Variants in KRT23 observed in about 807,000 individuals in gnomAD.
KRT23 encodes the protein keratin, type I cytoskeletal 23.
A neutral mutation model predicts 47.6 loss-of-function variants in KRT23; 38 were observed. The ratio of observed to expected loss-of-function variants is 0.80; its 90% CI spans 0.62 to 1.05. KRT23 has a LOEUF of 1.05. Ranked by LOEUF, KRT23 falls within the 50% of genes least tolerant of loss-of-function variation. The pLI is 0.00. For missense variants in KRT23, 503 were observed against 529.5 expected (o/e 0.95, Z 0.49); for synonymous variants, 191 against 199.0 (o/e 0.96, Z 0.34).
intron 2 of KRT23, 83 bp downstream of exon 2, chr17:40,936,125 T>C: frequency 6.8e-7 from 1 of 1,461,224 alleles, no homozygotes; most frequent in Non-Finnish European, 9.4e-7. Context: ...TCCTGGAAAT[T>C]GTCTTCTGGA....
chr17:40,931,538 T>A, intron 2 of KRT23, 83 bp from the exon 3 acceptor site: 1 of 984,990 alleles, frequency 1.0e-6, no homozygotes, highest in Non-Finnish European at 1.6e-6. Context: ...TCCTCTAGCT[T>A]CCTGAATATT....
chr17:40,936,441 G>T lies in KRT23; in HGVS notation c.163C>A (p.Pro55Thr), dbSNP rs761322060. ...LSFTTRSCPP[P>T]GGSWGSGRSS... is the part of the protein sequence containing the mutation. ...CTTCCAGAACCCCAAGACCCTCCAG[G>T]GGGTGGGCAGCTCCGCGTGGTGAAG... The change falls in exon 2 of 9, where the codon CCT (proline) becomes ACT (threonine). Residue 55 changes from proline (P) to threonine (T), a missense_variant. Physicochemically the swap from Pro to Thr is conservative, Grantham distance 38. Transcript: ENST00000209718. 5.0e-6 allele frequency: 8 copies of T among 1,610,242 alleles called. No individual in the cohort carries two copies. The highest frequency in any genetic ancestry group is 3.3e-4 in the Middle Eastern group (2 of 6,060).
Position 40,931,374 on chromosome 17 carries a change from T to G in KRT23, c.478A>C (p.Lys160Gln). ...CAACCCTGTGAAGAAGGAACTTACT[T>G]GAGGTTGAAGTCATCCACTGCCATC... ...ARMAVDDFNLKYENEHSFKKD... is the reference protein window; with the variant it reads ...ARMAVDDFNLQYENEHSFKKD... The change falls in exon 3 of 9, where the codon AAG (lysine) becomes CAG (glutamine). Residue 160 changes from lysine to glutamine, a missense_variant and splice_region_variant. By Grantham distance (53) the Lys-to-Gln change is moderately conservative (BLOSUM62 1). Coordinates refer to ENST00000209718, the MANE Select transcript of KRT23 (RefSeq NM_015515.5). 6.2e-7 allele frequency: 1 copy of G among 1,606,704 alleles called. No individual in the cohort carries two copies. Among genetic ancestry groups the G allele is most frequent in the South Asian group, 1.1e-5 (1 of 90,934 alleles).
intron 2 of KRT23, 107 bp downstream of exon 2, chr17:40,936,101 C>G (rs758560228): frequency 8.3e-7 from 1 of 1,206,490 alleles, no homozygotes; most frequent in African/African-American, 1.5e-5. Context: ...TTACTTCAAG[C>G]GCTGATGCCA....
intron 2 of KRT23, 151 bp from the exon 3 acceptor site, chr17:40,931,606 C>G (rs981310493): frequency 8.0e-6 from 5 of 627,426 alleles, no homozygotes; most frequent in Non-Finnish European, 1.5e-5. Context: ...ATAACCGAAT[C>G]AGTAAATGCT....
intron 8 of KRT23, among the ~76,000 whole-genome samples, chr17:40,924,248 T>C (rs1384839027): frequency 1.3e-5 from 2 of 152,216 alleles, no homozygotes; most frequent in Non-Finnish European, 2.9e-5. Context: ...TACTATTAAT[T>C]ATCATTTTAA....
intron 6 of KRT23, among the ~76,000 whole-genome samples, 175 bp from the exon 7 acceptor site, chr17:40,925,749 G>A (rs866505547): frequency 6.6e-5 from 10 of 152,220 alleles, no homozygotes; most frequent in African/African-American, 1.4e-4. Flanking sequence ...GCAGTCAGGA[G>A]TTGAGCAGTG....
intron 4 of KRT23, 53 bp from the exon 5 acceptor site, chr17:40,928,660 G>A: frequency 1.3e-6 from 2 of 1,539,206 alleles, no homozygotes; most frequent in Non-Finnish European, 1.8e-6. Context: ...CAGAAGGCTG[G>A]ATTGCCATGT....
intron 2 of KRT23, among the ~76,000 whole-genome samples, chr17:40,932,274 AT>A (rs899336537): frequency 1.1e-4 from 17 of 150,548 alleles, no homozygotes; most frequent in Non-Finnish European, 1.3e-4. Context: ...TGTTCGTATA[AT>A]TTTTTTTTTA....
At chr17:40,930,140 C>T in intron 3 of KRT23, 44 bp from the exon 4 acceptor site, 1 of 1,563,282 alleles carries the variant, frequency 6.4e-7, no homozygotes, top group Non-Finnish European at 8.7e-7. Context: ...TGTTGGAAGG[C>T]CATGGTTTTT....
intron 2 of KRT23, 42 bp from the exon 3 acceptor site, chr17:40,931,497 G>T (rs983556847): frequency 6.9e-7 from 1 of 1,439,426 alleles, no homozygotes; most frequent in Non-Finnish European, 9.8e-7. Flanking sequence ...ATCTCACTTG[G>T]ACACACCCAC....
At chr17:40,923,175 G>T in intron 8 of KRT23, 92 bp from the exon 9 acceptor site, 1 of 920,290 alleles carries the variant, frequency 1.1e-6, no homozygotes, top group Non-Finnish European at 1.7e-6. Flanking sequence ...AGCCCCTGAA[G>T]GCTCTCAGTG....
At chr17:40,933,694 G>A (rs924631908) in intron 2 of KRT23, among the ~76,000 whole-genome samples, 1 of 152,178 alleles carries the variant, frequency 6.6e-6, no homozygotes, top group African/African-American at 2.4e-5. Context: ...TATAGAGCAC[G>A]TTTAAAACTA....
Position 40,926,129 on chromosome 17 carries a change from TA to T in KRT23, c.922-556del, listed in dbSNP as rs562247342. Among the ~76,000 whole-genome samples the T allele has an allele frequency of 5.3e-3, 780 of 146,232 alleles. 7 individuals carry two copies. Among genetic ancestry groups the T allele is most frequent in the African/African-American group, 0.016 (622 of 40,114 alleles). ...CAATGCTTTTTGATTATGACGATGG[TA>T]AAAAAAAAAAATGTCATTTTTTGAG... On this transcript the variant is annotated intron_variant, in intron 6 of 8. Coordinates refer to ENST00000209718, the MANE Select transcript of KRT23 (RefSeq NM_015515.5).
At position 40,925,473 on chromosome 17, in the gene KRT23, C is replaced by T. The variant is rs4987066; in HGVS notation, c.1023G>A (p.Thr341=). 30 of 1,614,146 alleles carry T rather than the reference C, an allele frequency of 1.9e-5. No homozygotes were observed. The highest frequency in any genetic ancestry group is 9.3e-5 in the African/African-American group (7 of 75,036). The change falls in exon 7 of 9, where the codon ACG becomes ACA. Residue 341 remains threonine (T), a synonymous_variant. Coordinates refer to ENST00000209718, the MANE Select transcript of KRT23 (RefSeq NM_015515.5). The part of the protein sequence containing the change: ...EIISHYEEEL[T]QLRHELERQN... ...GCCGCTCCAGTTCATGGCGTAGCTG[C>T]GTCAGTTCCTCCTCATAGTGGGAGA...
rs1195049517 is a variant in KRT23 at position 40,925,540 on chromosome 17, T to C, written c.956A>G (p.Gln319Arg). 6.2e-7 allele frequency: 1 copy of C among 1,613,784 alleles called. No individual in the cohort carries two copies. Among genetic ancestry groups the C allele is most frequent in the Non-Finnish European group, 8.5e-7 (1 of 1,179,778 alleles). ...CTGGAGCTTGCAGGAGTACCGAGACTGGGTCTCGGATAACATGTTTTCCAA... is the reference window on the plus strand; with the variant it reads ...CTGGAGCTTGCAGGAGTACCGAGACCGGGTCTCGGATAACATGTTTTCCAA... ...SALENMLSET[Q>R]SRYSCKLQDM... Residue 319 changes from glutamine (Q) to arginine (R), a missense_variant, in exon 7 of 9, where the codon CAG (glutamine) becomes CGG (arginine). Coordinates refer to ENST00000209718, the MANE Select transcript of KRT23 (RefSeq NM_015515.5).
intron 3 of KRT23, among the ~76,000 whole-genome samples, chr17:40,930,768 T>TAAAC (rs979666981): frequency 1.8e-4 from 15 of 84,902 alleles, no homozygotes; most frequent in African/African-American, 5.1e-4. Context: ...GTCTCAAAAA[T>TAAAC]AAACAAATAA....
At position 40,928,542 on chromosome 17, in the gene KRT23, C is replaced by T. The variant is rs1909392374; in HGVS notation, c.702G>A (p.Arg234=). 1.2e-6 allele frequency: 2 copies of T among 1,613,970 alleles called. No homozygotes were observed. Among genetic ancestry groups the T allele is most frequent in the South Asian group, 1.1e-5 (1 of 91,084 alleles). ...NVNVKVDTGP[R]EDLIKVLEDM... is the part of the protein sequence containing the mutation. ...CCTCCAGGACCTTAATCAGATCTTC[C>T]CTGGGACCTGTATCCACCTTCACAT... Residue 234 remains arginine, a synonymous_variant, in exon 5 of 9, where the codon AGG becomes AGA. Transcript: ENST00000209718.
At chr17:40,924,591 T>C in intron 7 of KRT23, 88 bp from the exon 8 acceptor site, 1 of 1,028,246 alleles carries the variant, frequency 9.7e-7, no homozygotes, top group Non-Finnish European at 1.5e-6. Flanking sequence ...CTTCGCTTGC[T>C]TGTAAATCCT....
Sources: gnomAD v4.1 joint callset for allele counts (sites outside exome capture counted in the v4.1 genomes callset) on GRCh38, gnomAD v4.1.1 for gene constraint, MANE v1.5 for transcripts, NCBI Gene and HGNC (gene_info 2026-07-23, HGNC 2026-07-21) for gene names.